The following NOSTRIN variants were observed in gnomAD, a reference collection of about 807,000 sequenced individuals.
NOSTRIN encodes the protein nitric oxide synthase trafficking.
NOSTRIN carries 63 observed loss-of-function variants against 59.0 expected under a neutral mutation model. That is an observed-to-expected ratio of 1.07 (90% confidence interval 0.87 to 1.32). NOSTRIN has a LOEUF of 1.32. Among genes scored for constraint, NOSTRIN ranks in the 40% most tolerant of loss-of-function variants. The pLI, the probability that NOSTRIN is intolerant of heterozygous loss-of-function variation, is 0.00. For missense variants in NOSTRIN, 512 were observed against 473.1 expected, an observed-to-expected ratio of 1.08 and a Z score of -0.76; for synonymous variants, 200 against 165.4, an observed-to-expected ratio of 1.21 and a Z score of -1.61.
rs760314391 is a variant in NOSTRIN, at chr2:168,855,493, G to C, written c.964+33G>C. ...ACCATCTCTTTGAATGGCCAGAAAAGGGACCATATGATGCTCAGAGGTTTC... is the reference window on the plus strand; with the variant it reads ...ACCATCTCTTTGAATGGCCAGAAAACGGACCATATGATGCTCAGAGGTTTC... On this transcript the variant is annotated intron_variant, in intron 11 of 15. Coordinates refer to ENST00000317647, the MANE Select transcript of NOSTRIN (RefSeq NM_001039724.4). 5 of 1,202,890 alleles carry C rather than the reference G, an allele frequency of 4.2e-6. No individual in the cohort carries two copies. In the African/African-American group the frequency reaches 7.6e-5, roughly 18 times the overall value. 74.5% of individuals were successfully genotyped at this position (1,202,890 alleles called of 1,614,324 possible).
chr2:168,856,583 A>AG, intron 11 of NOSTRIN, 107 bp from the exon 12 acceptor site: 1 of 972,260 alleles, frequency 1.0e-6, no homozygotes, highest in South Asian at 1.4e-5. Context: ...TTAAAAAAAA[A>AG]AATCTCACTG....
chr2:168,855,580 A>G (rs947172250), intron 11 of NOSTRIN, 120 bp downstream of exon 11: 3 of 453,246 alleles, frequency 6.6e-6, no homozygotes, highest in Admixed American at 4.3e-5. Context: ...TTAAAGAACC[A>G]TATATCAAAC....
chr2:168,819,535 G>A (rs482435), intron 2 of NOSTRIN, among the ~76,000 whole-genome samples: 103,962 of 152,068 alleles, frequency 0.68, 35,890 homozygotes, highest in East Asian at 0.88. Context: ...GATAAAAGCC[G>A]TTCAGCGCTA....
chr2:168,864,493 T>G (rs531538429), intron 15 of NOSTRIN, among the ~76,000 whole-genome samples: 1 of 64,330 alleles, frequency 1.6e-5, no homozygotes, highest in Admixed American at 1.6e-4. Context: ...ACCATGTTGG[T>G]CAGGCTGGTC....
At chr2:168,804,243 C>T (rs1685732997) in intron 1 of NOSTRIN, among the ~76,000 whole-genome samples, 2 of 152,210 alleles carry the variant, frequency 1.3e-5, no homozygotes, top group Admixed American at 1.3e-4. Context: ...CTGCTTAAAG[C>T]TCCACTCCCT....
Position 168,859,178 on chromosome 2 carries a change from C to A in NOSTRIN, c.1054-334C>A, listed in dbSNP as rs558101957. On this transcript the variant is annotated intron_variant, in intron 12 of 15. Coordinates refer to ENST00000317647, the MANE Select transcript of NOSTRIN (RefSeq NM_001039724.4). ...TCTTCGCAGACCACCAAAAATCTACCTTCTACAATCAACACTTATCCCCTT... is the reference window on the plus strand; with the variant it reads ...TCTTCGCAGACCACCAAAAATCTACATTCTACAATCAACACTTATCCCCTT... The A allele has an allele frequency of 5.6e-5, 11 of 196,754 alleles. No individual in the cohort carries two copies. In the South Asian group the frequency reaches 1.4e-3, roughly 25 times the overall value. 12.2% of individuals were successfully genotyped at this position (196,754 alleles called of 1,614,324 possible).
At chr2:168,816,220 CAA>C (rs1285189737) in intron 2 of NOSTRIN, among the ~76,000 whole-genome samples, 1 of 152,156 alleles carries the variant, frequency 6.6e-6, no homozygotes, top group Non-Finnish European at 1.5e-5. Flanking sequence ...CCAATCCAAG[CAA>C]AGTTTCCTGA....
chr2:168,861,721 T>G (rs1559145026), intron 14 of NOSTRIN, among the ~76,000 whole-genome samples: 1 of 152,228 alleles, frequency 6.6e-6, no homozygotes, highest in Non-Finnish European at 1.5e-5. Flanking sequence ...GACTTGCTAT[T>G]TCATGTATTA....
At chr2:168,825,919 A>C (rs945363592) in intron 3 of NOSTRIN, among the ~76,000 whole-genome samples, 1 of 152,134 alleles carries the variant, frequency 6.6e-6, no homozygotes, top group African/African-American at 2.4e-5. Context: ...TTTTAGCTTT[A>C]TTTTTATTTT....
At chr2:168,831,223 C>G (rs982052266) in intron 5 of NOSTRIN, among the ~76,000 whole-genome samples, 3 of 152,098 alleles carry the variant, frequency 2.0e-5, no homozygotes, top group Admixed American at 1.3e-4. Flanking sequence ...TGGCTATTTA[C>G]TCACTGTAAC....
chr2:168,843,571 T>C (rs774972955), intron 8 of NOSTRIN, among the ~76,000 whole-genome samples: 2 of 152,048 alleles, frequency 1.3e-5, no homozygotes, highest in East Asian at 1.9e-4. Context: ...GTGGCAAAAG[T>C]AGACACATAA....
intron 2 of NOSTRIN, among the ~76,000 whole-genome samples, chr2:168,816,037 G>T (rs536809902): frequency 6.1e-4 from 93 of 152,180 alleles, no homozygotes; most frequent in African/African-American, 2.2e-3. Context: ...CACTGTTCTG[G>T]CAAAACTCTC....
At chr2:168,861,936 T>G in intron 14 of NOSTRIN, 24 bp from the exon 15 acceptor site, 1 of 1,608,788 alleles carries the variant, frequency 6.2e-7, no homozygotes. Context: ...CACAGCATAC[T>G]AATTACAGCT....
At chr2:168,864,506 G>A (rs551354152) in intron 15 of NOSTRIN, among the ~76,000 whole-genome samples, 27 of 152,102 alleles carry the variant, frequency 1.8e-4, no homozygotes, top group Non-Finnish European at 3.1e-4. Context: ...GGCTGGTCTC[G>A]AAACTCCTGA....
At position 168,859,456 on chromosome 2, in the gene NOSTRIN, C is replaced by G. The variant is rs1689307774; in HGVS notation, c.1054-56C>G. ...TGAAAGTTATTCTGATATTCCTATC[C>G]AGTTGTGCCTCATTTACTAGAAATT... is the stretch of plus-strand genomic sequence containing the variant. On this transcript the variant is annotated intron_variant, in intron 12 of 15. Coordinates refer to ENST00000317647, the MANE Select transcript of NOSTRIN (RefSeq NM_001039724.4). 28 of 1,598,334 alleles carry G rather than the reference C, an allele frequency of 1.8e-5. No individual in the cohort carries two copies. In the South Asian group the frequency reaches 2.9e-4, roughly 17 times the overall value.
At position 168,851,178 on chromosome 2, in the gene NOSTRIN, C is replaced by T. The variant is rs767924256; in HGVS notation, c.725C>T (p.Thr242Ile). Residue 242 changes from threonine to isoleucine, a missense_variant, in exon 9 of 16, where the codon ACC becomes ATC. Physicochemically the swap from Thr to Ile is moderately conservative, Grantham distance 89. Coordinates refer to ENST00000317647, the MANE Select transcript of NOSTRIN (RefSeq NM_001039724.4). ...ATTTCTCTTTTTGGCCAAACCCTGA[C>T]CACAGTGAGTAGAGATGATCTCTCC... Reference protein sequence around the residue: ...QHISLFGQTLTTCHTQIHCAI... With the variant: ...QHISLFGQTLITCHTQIHCAI... 7.4e-6 allele frequency: 12 copies of T among 1,614,000 alleles called. No homozygotes were observed. The highest frequency in any genetic ancestry group is 1.3e-5 in the African/African-American group (1 of 74,912).
At position 168,849,544 on chromosome 2, in the gene NOSTRIN, C is replaced by T. The variant is rs1251125137; in HGVS notation, c.631-1540C>T. ...CTAATTTTTGTATTTTTAGTAGAGA[C>T]GGGGTTTTGCCACGTTGGGCAGGCT... is the stretch of plus-strand genomic sequence containing the variant. On this transcript the variant is annotated intron_variant, in intron 8 of 15. Coordinates refer to ENST00000317647, the MANE Select transcript of NOSTRIN (RefSeq NM_001039724.4). Among the ~76,000 whole-genome samples the T allele has an allele frequency of 4.6e-5, 7 of 150,990 alleles. No individual in the cohort carries two copies. In the East Asian group the frequency reaches 9.9e-4, roughly 21 times the overall value.
intron 7 of NOSTRIN, among the ~76,000 whole-genome samples, chr2:168,834,541 A>ACACACACC (rs58702721): frequency 0.02 from 2,822 of 139,764 alleles, 35 homozygotes; most frequent in African/African-American, 0.035. Flanking sequence ...ACACACACAC[A>ACACACACC]CCACATACAT....
intron 11 of NOSTRIN, chr2:168,856,314 C>T (rs977304632): frequency 8.1e-6 from 2 of 248,220 alleles, no homozygotes; most frequent in Admixed American, 5.1e-5. Context: ...CTGTGGCTCA[C>T]GCCTATAATC....
Sources: allele counts gnomAD v4.1 joint callset (sites outside exome capture counted in the v4.1 genomes callset), GRCh38; gene constraint gnomAD v4.1.1; transcripts MANE v1.5; gene names NCBI Gene and HGNC (gene_info 2026-07-23, HGNC 2026-07-21).